The following PASK variants were observed in gnomAD, a reference collection of about 807,000 sequenced individuals.
The protein encoded by PASK is PAS domain containing serine/threonine kinase.
PASK carries 110 observed loss-of-function variants against 121.0 expected under a neutral mutation model. The observed-to-expected ratio is 0.91, with a 90% CI of 0.78 to 1.06. PASK has a LOEUF of 1.06. Among genes scored for constraint, PASK ranks in the 50% least tolerant of loss-of-function variants. The pLI, the probability that PASK is intolerant of heterozygous loss-of-function variation, is 0.00. For missense variants in PASK, 1,643 were observed against 1,702.3 expected (o/e 0.97, Z 0.61); for synonymous variants, 686 against 717.8 (o/e 0.96, Z 0.71).
intron 10 of PASK, 147 bp from the exon 11 acceptor site, chr2:241,124,280 A>G (rs1413596306): frequency 7.0e-6 from 5 of 715,770 alleles, no homozygotes; most frequent in Non-Finnish European, 1.2e-5. Flanking sequence ...AACACAGACC[A>G]GAGAGCAGCC....
At chr2:241,128,857 A>G (rs1157989036) in intron 9 of PASK, among the ~76,000 whole-genome samples, 2 of 146,660 alleles carry the variant, frequency 1.4e-5, no homozygotes, top group Non-Finnish European at 3.1e-5. Context: ...GGCCAAGACC[A>G]TCTCAAAAAA....
In PASK at chr2:241,115,002, AGGCCTGCGTTCACACTAACACGGCTCT is replaced by A. The variant is rs1559359624; in HGVS notation, c.3333+14_3333+40del. 1 of 1,613,854 alleles carries A rather than the reference AGGCCTGCGTTCACACTAACACGGCTCT, an allele frequency of 6.2e-7. No individual in the cohort carries two copies. Among genetic ancestry groups the A allele is most frequent in the South Asian group, 1.1e-5 (1 of 91,072 alleles). Reference sequence around the variant, plus strand: ...TTGCAGCCACCGGACCCAGGCACCCAGGCCTGCGTTCACACTAACACGGCTCTGGCCTGCTCTCACTTGTCGGAAGAT... The same window carrying A: ...TTGCAGCCACCGGACCCAGGCACCCAGGCCTGCTCTCACTTGTCGGAAGAT... On this transcript the variant is annotated intron_variant, in intron 14 of 17. Transcript: ENST00000234040.
intron 4 of PASK, among the ~76,000 whole-genome samples, chr2:241,139,219 A>C (rs979422349): frequency 2.6e-5 from 4 of 152,158 alleles, no homozygotes; most frequent in Non-Finnish European, 4.4e-5. Flanking sequence ...AAAGCCACAC[A>C]CTAGGTGGGA....
chr2:241,108,304 TGAG>T lies in PASK; in HGVS notation c.3534-7_3534-5del, dbSNP rs773910815. ...CTCCAGCTCCGGCCCTCTGTAGCTGTGAGGAGGAGGAGGCATCAGGACGCCACG... is the reference window on the plus strand; with the variant it reads ...CTCCAGCTCCGGCCCTCTGTAGCTGTGAGGAGGAGGCATCAGGACGCCACG... On this transcript the variant is annotated splice_polypyrimidine_tract_variant and splice_region_variant and intron_variant, in intron 15 of 17. Transcript: ENST00000234040. This position sits in a 1 kb window ranked among gnomAD's most constrained non-coding sequence, Gnocchi z 5.2. 17 of 1,612,168 alleles carry T rather than the reference TGAG, an allele frequency of 1.1e-5. No individual in the cohort carries two copies. The highest frequency in any genetic ancestry group is 8.8e-5 in the South Asian group (8 of 91,054).
At chr2:241,149,671 G>T, upstream of PASK, 6 of 1,546,586 alleles carry the variant, frequency 3.9e-6, no homozygotes, top group Non-Finnish European at 5.2e-6. Flanking sequence ...CCCCGGGCCG[G>T]GCAGATGCGG....
intron 10 of PASK, among the ~76,000 whole-genome samples, chr2:241,125,342 T>C (rs1219787915): frequency 6.6e-6 from 1 of 150,512 alleles, no homozygotes; most frequent in African/African-American, 2.5e-5. Flanking sequence ...GGCTCACACC[T>C]GTAATCCCAG....
chr2:241,127,409 T>A lies in PASK; in HGVS notation c.1506A>T (p.Glu502Asp), dbSNP rs779493358. ...VPEGSLPVHGEQALPKDQQIT... is the reference protein window; with the variant it reads ...VPEGSLPVHGDQALPKDQQIT... ...TTTGCTGGTCCTTGGGCAGCGCCTG[T>A]TCACCGTGCACTGGCAGGCTTCCTT... Residue 502 changes from glutamate (E) to aspartate (D), a missense_variant, in exon 10 of 18, where the codon GAA becomes GAT. Physicochemically the swap from Glu to Asp is conservative, Grantham distance 45 (BLOSUM62 2). Transcript: ENST00000234040. 6.2e-7 allele frequency: 1 copy of A among 1,614,024 alleles called. No individual in the cohort carries two copies. Among genetic ancestry groups the A allele is most frequent in the Admixed American group, 1.7e-5 (1 of 60,006 alleles).
chr2:241,140,831 A>G, intron 2 of PASK, 78 bp from the exon 3 acceptor site: 1 of 913,182 alleles, frequency 1.1e-6, no homozygotes, highest in Non-Finnish European at 1.8e-6. Flanking sequence ...CAAAGCACAC[A>G]GCCCTTGCCC....
rs2066417171 is a variant in PASK at position 241,136,143 on chromosome 2, G to A, written c.1138-104C>T. On this transcript the variant is annotated intron_variant, in intron 7 of 17. Transcript: ENST00000234040. ...GAACACAAGGAGAGCCAGTCCCTGA[G>A]GGTTCACCCTTAAGGTCAGGAAAGG... 8.6e-6 allele frequency: 9 copies of A among 1,049,544 alleles called. No individual in the cohort carries two copies. In the Middle Eastern group the frequency reaches 6.0e-4, roughly 70 times the overall value. The allele number at this position is 1,049,544 out of a possible 1,614,324, so 65.0% of individuals were successfully genotyped here.
Position 241,137,046 on chromosome 2 carries a change from C to G in PASK, c.1095G>C (p.Ala365=). The G allele has an allele frequency of 1.2e-6, 2 of 1,613,504 alleles. No individual in the cohort carries two copies. The change falls in exon 7 of 18, where the codon GCG becomes GCC. Residue 365 remains alanine, a synonymous_variant. Transcript: ENST00000234040. ...TCTTTCCGTAACCAAACAGTGTCAG[C>G]GCGAAGCTGTGGTTGATGCCGTGGA... ...GTIHGINHSF[A]LTLFGYGKTE...
At chr2:241,136,106 T>A (rs2066413925) in intron 7 of PASK, 67 bp from the exon 8 acceptor site, 1 of 1,386,464 alleles carries the variant, frequency 7.2e-7, no homozygotes, top group African/African-American at 1.4e-5. Flanking sequence ...ACCGTCCCCC[T>A]GGGGGAGGAA....
At position 241,126,669 on chromosome 2, in the gene PASK, C is replaced by A. The variant is rs779467871; in HGVS notation, c.2246G>T (p.Ser749Ile). The change falls in exon 10 of 18, where the codon AGT (serine) becomes ATT (isoleucine). Residue 749 changes from serine (S) to isoleucine (I), a missense_variant. Coordinates refer to ENST00000234040, the MANE Select transcript of PASK (RefSeq NM_015148.4). ...FSWNLKELFF[S>I]DQTDQTSSNC... ...TGATGACGTTTGGTCTGTCTGGTCA[C>A]TGAAAAAGAGTTCCTTGAGGTTCCA... 6.2e-7 allele frequency: 1 copy of A among 1,614,096 alleles called. No individual in the cohort carries two copies. Among genetic ancestry groups the A allele is most frequent in the African/African-American group, 1.3e-5 (1 of 74,930 alleles).
chr2:241,150,327 G>C (rs2067227435), upstream of PASK: 26 of 1,322,996 alleles, frequency 2.0e-5, no homozygotes, highest in Non-Finnish European at 3.9e-6. Flanking sequence ...CGCGGCGCGC[G>C]GCCTCATGAC....
At chr2:241,141,715 G>A (rs1575339862) in intron 2 of PASK, among the ~76,000 whole-genome samples, 1 of 152,188 alleles carries the variant, frequency 6.6e-6, no homozygotes, top group East Asian at 1.9e-4. Context: ...TTCTTCCAGT[G>A]CTCAAAACCA....
intron 5 of PASK, 57 bp from the exon 6 acceptor site, chr2:241,138,144 T>C: frequency 6.3e-7 from 1 of 1,589,756 alleles, no homozygotes; most frequent in Admixed American, 1.7e-5. Context: ...GCTGTAAATT[T>C]AACTAAGCTT....
intron 2 of PASK, among the ~76,000 whole-genome samples, chr2:241,142,108 C>T (rs954475574): frequency 2.0e-5 from 3 of 152,080 alleles, no homozygotes; most frequent in African/African-American, 7.2e-5. Flanking sequence ...GGGCACTCTC[C>T]ACAGGGCCCT....
At chr2:241,117,091 G>A (rs1272821018) in intron 12 of PASK, among the ~76,000 whole-genome samples, 1 of 151,282 alleles carries the variant, frequency 6.6e-6, no homozygotes, top group Admixed American at 6.6e-5. Context: ...GGGGGGCTGG[G>A]CAGGCAACGT....
rs1280332865 is a variant in PASK at position 241,140,550 on chromosome 2, T to C, written c.400A>G (p.Ile134Val). 9.3e-6 allele frequency: 15 copies of C among 1,613,066 alleles called. No homozygotes were observed. In the Admixed American group the frequency reaches 1.8e-4, roughly 20 times the overall value. Residue 134 changes from isoleucine to valine, a missense_variant, in exon 3 of 18, where the codon ATC becomes GTC. By Grantham distance (29) the Ile-to-Val change is conservative. This residue lies in a region of PASK where 1,176 missense variants were observed against 1,162.2 expected (regional missense o/e 1.01). Transcript: ENST00000234040. ...GTGGTCTTGGCATCCACCGTGAAGA[T>C]GGCCTTGTTAGGGTTGCACACAGGG... is the stretch of plus-strand genomic sequence containing the variant. ...PAPVCNPNKAIFTVDAKTTEI... is the reference protein window; with the variant it reads ...PAPVCNPNKAVFTVDAKTTEI...
intron 10 of PASK, among the ~76,000 whole-genome samples, chr2:241,125,821 G>A (rs1252965522): frequency 3.7e-4 from 57 of 152,106 alleles, no homozygotes; most frequent in Non-Finnish European, 7.4e-5. Flanking sequence ...GACCACTGAG[G>A]TGGGGGCTGG....
Sources: allele counts gnomAD v4.1 joint callset (sites outside exome capture counted in the v4.1 genomes callset), GRCh38; gene constraint gnomAD v4.1.1; regional missense constraint gnomAD v4.1.1; non-coding constraint Gnocchi (gnomAD v3.1); transcripts MANE v1.5; gene names NCBI Gene and HGNC (gene_info 2026-07-23, HGNC 2026-07-21).